TBC1D5: variants seen among roughly 807,000 people sequenced by gnomAD.
The protein encoded by TBC1D5 is TBC1 domain family, member 5.
A neutral mutation model predicts 100.3 loss-of-function variants in TBC1D5; 75 were observed. The observed-to-expected ratio is 0.75, with a 90% CI of 0.62 to 0.91. TBC1D5 has a LOEUF of 0.91. TBC1D5 is among the 40% of genes least tolerant of loss of function. TBC1D5 has a pLI of 0.00. For missense variants in TBC1D5, 910 were observed against 942.4 expected (o/e 0.97, Z 0.45); for synonymous variants, 323 against 325.6 (o/e 0.99, Z 0.09).
intron 13 of TBC1D5, among the ~76,000 whole-genome samples, chr3:17,317,695 A>G (rs2084870211): frequency 6.6e-6 from 1 of 152,224 alleles, no homozygotes; most frequent in Admixed American, 6.5e-5. Flanking sequence ...TCAATGTTTT[A>G]AAATAATCAC....
chr3:17,573,264 A>G (rs1301265232), intron 2 of TBC1D5, among the ~76,000 whole-genome samples: 3 of 152,022 alleles, frequency 2.0e-5, no homozygotes, highest in Non-Finnish European at 4.4e-5. Context: ...GATATGATCA[A>G]TTTAGTCCCT....
intron 15 of TBC1D5, among the ~76,000 whole-genome samples, chr3:17,280,558 T>C (rs2080472428): frequency 6.6e-6 from 1 of 152,064 alleles, no homozygotes; most frequent in African/African-American, 2.4e-5. Context: ...TGGTTTGACG[T>C]CAAAGAGAAG....
At chr3:17,165,977 A>G (rs1668326739) in intron 21 of TBC1D5, among the ~76,000 whole-genome samples, 1 of 152,176 alleles carries the variant, frequency 6.6e-6, no homozygotes, top group African/African-American at 2.4e-5. Context: ...ATGAGCAGAC[A>G]GGACTAGGCA....
intron 3 of TBC1D5, among the ~76,000 whole-genome samples, chr3:17,494,078 G>A (rs901790245): frequency 6.6e-6 from 1 of 152,112 alleles, no homozygotes; most frequent in Non-Finnish European, 1.5e-5. Flanking sequence ...AATCTTTGAG[G>A]CTGTTGATCT....
chr3:17,173,903 A>G (rs1355851645), intron 19 of TBC1D5, among the ~76,000 whole-genome samples: 1 of 152,152 alleles, frequency 6.6e-6, no homozygotes, highest in African/African-American at 2.4e-5. Flanking sequence ...ATTTGTCACT[A>G]CTGGCTTTTG....
At chr3:17,339,553 TAA>T (rs1176487411) in intron 13 of TBC1D5, among the ~76,000 whole-genome samples, 1 of 152,256 alleles carries the variant, frequency 6.6e-6, no homozygotes, top group Non-Finnish European at 1.5e-5. Flanking sequence ...ACTTGACCAG[TAA>T]TAGCTGGTTA....
At chr3:17,531,879 A>G (rs1191838344) in intron 2 of TBC1D5, among the ~76,000 whole-genome samples, 1 of 152,182 alleles carries the variant, frequency 6.6e-6, no homozygotes, top group African/African-American at 2.4e-5. Context: ...AACCATAAAA[A>G]CCCTAGAAGA....
At chr3:17,436,479 T>C (rs2094537554) in intron 3 of TBC1D5, among the ~76,000 whole-genome samples, 1 of 152,170 alleles carries the variant, frequency 6.6e-6, no homozygotes, top group African/African-American at 2.4e-5. Flanking sequence ...TAATTGAATA[T>C]TGTGGCTTTT....
intron 1 of TBC1D5, among the ~76,000 whole-genome samples, chr3:17,661,749 C>G (rs2066675598): frequency 6.6e-6 from 1 of 152,160 alleles, no homozygotes; most frequent in African/African-American, 2.4e-5. Context: ...CTGCCCACCT[C>G]AGCCTCCCAA....
At chr3:17,709,880 C>G (rs2074547086) in intron 1 of TBC1D5, among the ~76,000 whole-genome samples, 1 of 152,048 alleles carries the variant, frequency 6.6e-6, no homozygotes, top group Non-Finnish European at 1.5e-5. Context: ...TAAGAATACC[C>G]AGGCAGGCTA....
chr3:17,191,396 A>G (rs562660222), intron 18 of TBC1D5, among the ~76,000 whole-genome samples: 3 of 152,316 alleles, frequency 2.0e-5, no homozygotes, highest in African/African-American at 7.2e-5. Context: ...CACTCAATAA[A>G]TGTGAATTTT....
At chr3:17,432,052 G>T (rs1488620882) in intron 3 of TBC1D5, among the ~76,000 whole-genome samples, 3 of 152,124 alleles carry the variant, frequency 2.0e-5, no homozygotes, top group African/African-American at 7.2e-5. Flanking sequence ...CTACTCAAAT[G>T]TGTCTTCAGT....
At chr3:17,689,712 T>C (rs1169354246) in intron 1 of TBC1D5, among the ~76,000 whole-genome samples, 2 of 152,044 alleles carry the variant, frequency 1.3e-5, no homozygotes, top group African/African-American at 2.4e-5. Context: ...AGGAATACAA[T>C]AGTAGTTGTC....
chr3:17,687,776 A>AT (rs2070527056), intron 1 of TBC1D5, among the ~76,000 whole-genome samples: 2 of 152,202 alleles, frequency 1.3e-5, no homozygotes, highest in South Asian at 4.1e-4. Context: ...ATTCCACCTT[A>AT]TATCTTATAA....
At chr3:17,182,418 C>CA (rs2068554107) in intron 19 of TBC1D5, among the ~76,000 whole-genome samples, 1 of 152,206 alleles carries the variant, frequency 6.6e-6, no homozygotes, top group Non-Finnish European at 1.5e-5. Context: ...TTCCCCCTCC[C>CA]ATGCAATGAG....
chr3:17,318,804 CT>C (rs2085018348), intron 13 of TBC1D5, among the ~76,000 whole-genome samples: 1 of 152,132 alleles, frequency 6.6e-6, no homozygotes, highest in African/African-American at 2.4e-5. Context: ...TCTACTATTG[CT>C]ATGTCATCTG....
At chr3:17,508,924 T>C (rs1029599189) in intron 2 of TBC1D5, among the ~76,000 whole-genome samples, 8 of 152,200 alleles carry the variant, frequency 5.3e-5, no homozygotes, top group Non-Finnish European at 1.0e-4. Context: ...CCTTTTGTTT[T>C]ACAGCCAAAA....
intron 18 of TBC1D5, among the ~76,000 whole-genome samples, chr3:17,196,773 T>C (rs990174337): frequency 6.6e-6 from 1 of 152,244 alleles, no homozygotes; most frequent in Non-Finnish European, 1.5e-5. Flanking sequence ...CCTTTCTATA[T>C]TCTCATTCCT....
chr3:17,176,849 A>G (rs549733725), intron 19 of TBC1D5, among the ~76,000 whole-genome samples: 1 of 152,264 alleles, frequency 6.6e-6, no homozygotes, highest in South Asian at 2.1e-4. Context: ...TACTAACCAG[A>G]AAAGTCTCTT....
Sources: gnomAD v4.1 joint callset for allele counts (sites outside exome capture counted in the v4.1 genomes callset) on GRCh38, gnomAD v4.1.1 for gene constraint, MANE v1.5 for transcripts, NCBI Gene and HGNC (gene_info 2026-07-23, HGNC 2026-07-21) for gene names.